The following VGLL4 variants were observed in gnomAD, a reference collection of about 807,000 sequenced individuals.
VGLL4 encodes transcription cofactor vestigial-like protein 4.
VGLL4 carries 7 observed loss-of-function variants against 21.0 expected under a neutral mutation model. The ratio of observed to expected loss-of-function variants is 0.33; its 90% CI spans 0.19 to 0.63. The LOEUF is 0.63. VGLL4 is among the 20% of genes least tolerant of loss of function. The pLI, the probability that VGLL4 is intolerant of heterozygous loss-of-function variation, is 0.78. For missense variants in VGLL4, 394 were observed against 425.7 expected, an observed-to-expected ratio of 0.93 and a Z score of 0.66; for synonymous variants, 222 against 173.2, an observed-to-expected ratio of 1.28 and a Z score of -2.21.
intron 1 of VGLL4, among the ~76,000 whole-genome samples, chr3:11,720,191 G>T (rs2076975051): frequency 6.8e-6 from 1 of 147,278 alleles, no homozygotes; most frequent in African/African-American, 2.5e-5. Context: ...AGCCGAACCT[G>T]CGGCACCCAC....
intron 1 of VGLL4, among the ~76,000 whole-genome samples, chr3:11,717,175 GCT>G (rs1491151006): frequency 1.4e-5 from 2 of 147,098 alleles, no homozygotes; most frequent in African/African-American, 2.5e-5. Context: ...ATATTTTTGT[GCT>G]TTTTTTTTTT....
intron 2 of VGLL4, among the ~76,000 whole-genome samples, chr3:11,575,611 C>G (rs1188011616): frequency 2.0e-5 from 3 of 152,208 alleles, no homozygotes; most frequent in African/African-American, 2.4e-5. Flanking sequence ...CCAGCGGCAG[C>G]CGCTTAAAGA....
intron 2 of VGLL4, among the ~76,000 whole-genome samples, chr3:11,577,707 C>T (rs1382564573): frequency 6.6e-6 from 1 of 152,220 alleles, no homozygotes. Flanking sequence ...CCTCAAGGAG[C>T]ACCACACAGC....
intron 2 of VGLL4, among the ~76,000 whole-genome samples, chr3:11,572,107 C>CA (rs775785327): frequency 1.3e-5 from 2 of 150,646 alleles, no homozygotes; most frequent in African/African-American, 4.9e-5. Context: ...GACCCTGTCT[C>CA]AAAAAAAAAG....
At chr3:11,707,855 T>A (rs1349802435) in intron 1 of VGLL4, among the ~76,000 whole-genome samples, 1 of 152,182 alleles carries the variant, frequency 6.6e-6, no homozygotes, top group Admixed American at 6.5e-5. Flanking sequence ...TGAGACCCCA[T>A]CTGTAAAAAA....
chr3:11,588,708 GGAAA>G (rs2074415631), intron 2 of VGLL4, among the ~76,000 whole-genome samples: 1 of 152,236 alleles, frequency 6.6e-6, no homozygotes, highest in Non-Finnish European at 1.5e-5. Context: ...CCAGACAAAT[GGAAA>G]GAGAGTTGTA....
chr3:11,604,574 T>C lies in VGLL4; in HGVS notation c.83-2552A>G, dbSNP rs754341472. The C allele has an allele frequency of 7.6e-6, 7 of 921,184 alleles. 2 individuals are homozygous for C. In the South Asian group the frequency reaches 1.6e-4, roughly 21 times the overall value. The allele number at this position is 921,184 out of a possible 1,614,324, so 57.1% of individuals were successfully genotyped here. ...GGTAACTGTTGTATGTGTGGTGGGG[T>C]TAAAATTATTTTTGTAAAACTGAAG... On this transcript the variant is annotated intron_variant, in intron 1 of 4. Coordinates refer to ENST00000430365, the MANE Select transcript of VGLL4 (RefSeq NM_001128219.3).
At chr3:11,559,111 G>A (rs1182988069) in intron 4 of VGLL4, among the ~76,000 whole-genome samples, 1 of 152,236 alleles carries the variant, frequency 6.6e-6, no homozygotes, top group Admixed American at 6.5e-5. Context: ...TGCAACTAGG[G>A]CATGAGACCC....
intron 1 of VGLL4, among the ~76,000 whole-genome samples, chr3:11,635,181 G>A (rs1488885368): frequency 1.3e-5 from 2 of 152,222 alleles, no homozygotes; most frequent in African/African-American, 2.4e-5. Context: ...GGCAGAAAGG[G>A]AGTAGAGGTG....
At chr3:11,618,316 G>A (rs1159186497) in intron 1 of VGLL4, among the ~76,000 whole-genome samples, 6 of 152,080 alleles carry the variant, frequency 3.9e-5, no homozygotes, top group Non-Finnish European at 7.4e-5. Flanking sequence ...ATTATTACAA[G>A]ATGTCTGTAT....
At chr3:11,695,106 A>C (rs946239790) in intron 2 of VGLL4, among the ~76,000 whole-genome samples, 1 of 145,776 alleles carries the variant, frequency 6.9e-6, no homozygotes, top group Admixed American at 7.1e-5. Flanking sequence ...GCTGGAGTGC[A>C]GTGGTGCAAT....
At chr3:11,661,194 C>T (rs1247841029) in intron 2 of VGLL4, among the ~76,000 whole-genome samples, 1 of 152,064 alleles carries the variant, frequency 6.6e-6, no homozygotes, top group Admixed American at 6.6e-5. Flanking sequence ...GTTGCCAGTG[C>T]CCCCCGACTC....
intron 3 of VGLL4, among the ~76,000 whole-genome samples, chr3:11,564,086 T>TA (rs1041934452): frequency 7.9e-5 from 12 of 152,324 alleles, no homozygotes; most frequent in Admixed American, 7.2e-4. Context: ...AAGGACCTAT[T>TA]AGGTCGCAGT....
chr3:11,648,734 C>T (rs1049739039), upstream of VGLL4, among the ~76,000 whole-genome samples: 2 of 152,160 alleles, frequency 1.3e-5, no homozygotes, highest in Non-Finnish European at 2.9e-5. Context: ...ATCTGAATAA[C>T]ATTTTTTAAG....
chr3:11,573,495 T>C (rs7640358), intron 2 of VGLL4, among the ~76,000 whole-genome samples: 32,268 of 152,036 alleles, frequency 0.21, 3,895 homozygotes, highest in African/African-American at 0.31. Flanking sequence ...GTCATCCACC[T>C]TCGACTTCAA....
In VGLL4 at chr3:11,670,739, TAAAA is replaced by T. The variant is rs2076197172; in HGVS notation, c.64+32228_64+32231del. Among the ~76,000 whole-genome samples the T allele has an allele frequency of 3.3e-5, 5 of 152,036 alleles. No individual in the cohort carries two copies. The South Asian group carries it at 1.0e-3, about 32-fold the overall frequency. ...TGGATATTAATGGGCACCTGCCACA[TAAAA>T]GAGAGAGTGGTGGGCCAGGCACAGT... On this transcript the variant is annotated intron_variant, in intron 2 of 5. Coordinates refer to the VGLL4 transcript ENST00000273038.
intron 1 of VGLL4, among the ~76,000 whole-genome samples, chr3:11,640,050 C>G (rs2075660394): frequency 6.6e-6 from 1 of 152,146 alleles, no homozygotes; most frequent in South Asian, 2.1e-4. Flanking sequence ...GAAAACAAGG[C>G]AAAGGTATTA....
chr3:11,658,254 G>A (rs78660356), intron 2 of VGLL4, among the ~76,000 whole-genome samples: 2,903 of 151,102 alleles, frequency 0.019, 104 homozygotes, highest in African/African-American at 0.068. Flanking sequence ...TTTTAAGAGG[G>A]AGAGAAATGA....
intron 2 of VGLL4, among the ~76,000 whole-genome samples, chr3:11,579,905 C>A (rs2074178094): frequency 6.6e-6 from 1 of 152,206 alleles, no homozygotes; most frequent in South Asian, 2.1e-4. Flanking sequence ...AGCTGCCTGA[C>A]TCTCCTTCAC....
Sources: allele counts gnomAD v4.1 joint callset (sites outside exome capture counted in the v4.1 genomes callset), GRCh38; gene constraint gnomAD v4.1.1; transcripts MANE v1.5; gene names NCBI Gene and HGNC (gene_info 2026-07-23, HGNC 2026-07-21).